SPHKAP: variants seen among roughly 807,000 people sequenced by gnomAD.
The protein encoded by SPHKAP is SPHK1 interactor, AKAP domain containing, also known as A-kinase anchor protein SPHKAP.
SPHKAP carries 67 observed loss-of-function variants against 137.5 expected under a neutral mutation model. That is an observed-to-expected ratio of 0.49 (90% CI 0.40 to 0.60). The LOEUF (loss-of-function observed/expected upper bound fraction) is 0.60. Among genes scored for constraint, SPHKAP ranks in the 20% least tolerant of loss-of-function variants. SPHKAP has a pLI of 0.00. For missense variants in SPHKAP, 2,097 were observed against 2,069.3 expected, an observed-to-expected ratio of 1.01 and a Z score of -0.26; for synonymous variants, 813 against 785.3, an observed-to-expected ratio of 1.04 and a Z score of -0.59.
At chr2:228,105,858 T>A (rs1016518546) in intron 3 of SPHKAP, among the ~76,000 whole-genome samples, 1 of 152,180 alleles carries the variant, frequency 6.6e-6, no homozygotes, top group African/African-American at 2.4e-5. Context: ...ATTAAACCTC[T>A]TTTTCTTTAT....
chr2:227,997,561 G>A (rs1693682832), intron 7 of SPHKAP, among the ~76,000 whole-genome samples: 1 of 152,052 alleles, frequency 6.6e-6, no homozygotes, highest in African/African-American at 2.4e-5. Context: ...AATTCATTAA[G>A]TCTAATAACA....
intron 3 of SPHKAP, among the ~76,000 whole-genome samples, chr2:228,080,976 C>A (rs770009297): frequency 1.3e-5 from 2 of 151,888 alleles, no homozygotes; most frequent in South Asian, 4.1e-4. Context: ...CCATATAATC[C>A]AAAAATCTTA....
rs535809395 is a variant in SPHKAP, at chr2:228,161,055, T to C, written c.32+20512A>G. Among the ~76,000 whole-genome samples, 8 of 152,320 alleles carry C rather than the reference T, an allele frequency of 5.3e-5. No homozygotes were observed. In the East Asian group the frequency reaches 1.5e-3, roughly 29 times the overall value. On this transcript the variant is annotated intron_variant, in intron 1 of 11. Coordinates refer to ENST00000392056, the MANE Select transcript of SPHKAP (RefSeq NM_001142644.2). ...GTGGATAAGGTAGGTGTTAAACAAA[T>C]AATCACATAAACAAGTACAAATGTG...
intron 2 of SPHKAP, among the ~76,000 whole-genome samples, chr2:228,117,195 G>A (rs886597856): frequency 1.3e-5 from 2 of 152,110 alleles, no homozygotes; most frequent in South Asian, 2.1e-4. Flanking sequence ...GCTGCTTGCT[G>A]TTAGACATCA....
chr2:228,171,293 C>T (rs542902372), intron 1 of SPHKAP, among the ~76,000 whole-genome samples: 1 of 152,038 alleles, frequency 6.6e-6, no homozygotes, highest in East Asian at 1.9e-4. Flanking sequence ...TGAGTAATTC[C>T]TTTAACTTTT....
intron 2 of SPHKAP, among the ~76,000 whole-genome samples, chr2:228,115,078 T>A (rs1424029355): frequency 6.6e-6 from 1 of 152,126 alleles, no homozygotes; most frequent in Non-Finnish European, 1.5e-5. Context: ...AGAAGACATG[T>A]CTCTCTTTTC....
At chr2:228,040,436 TG>T (rs1187113977) in intron 3 of SPHKAP, among the ~76,000 whole-genome samples, 1 of 152,230 alleles carries the variant, frequency 6.6e-6, no homozygotes, top group Non-Finnish European at 1.5e-5. Context: ...ATGCCACCCA[TG>T]CTGTGGACAT....
intron 3 of SPHKAP, among the ~76,000 whole-genome samples, chr2:228,045,657 G>A (rs2106264937): frequency 6.6e-6 from 1 of 151,952 alleles, no homozygotes; most frequent in Admixed American, 6.6e-5. Context: ...TAAATGACGA[G>A]TTAATGGGTG....
chr2:228,136,729 G>T (rs1699448041), intron 1 of SPHKAP, among the ~76,000 whole-genome samples: 1 of 152,162 alleles, frequency 6.6e-6, no homozygotes, highest in African/African-American at 2.4e-5. Flanking sequence ...ATTAGAGTTT[G>T]AGAAACACTT....
At chr2:228,146,237 GATGA>G (rs1477676208) in intron 1 of SPHKAP, among the ~76,000 whole-genome samples, 1 of 152,044 alleles carries the variant, frequency 6.6e-6, no homozygotes, top group Non-Finnish European at 1.5e-5. Flanking sequence ...TGTTACAACG[GATGA>G]ACACCCATTG....
chr2:228,038,948 C>T (rs1216932524), intron 3 of SPHKAP, among the ~76,000 whole-genome samples: 2 of 152,194 alleles, frequency 1.3e-5, no homozygotes, highest in Non-Finnish European at 2.9e-5. Context: ...AATAAACCAG[C>T]TATTGGCTAC....
intron 3 of SPHKAP, among the ~76,000 whole-genome samples, chr2:228,053,001 G>A (rs1456264226): frequency 1.3e-5 from 2 of 152,110 alleles, no homozygotes; most frequent in Non-Finnish European, 2.9e-5. Flanking sequence ...TATATTAGAT[G>A]AGCGGCTTAA....
chr2:228,022,866 A>T lies in SPHKAP; in HGVS notation c.442-900T>A, dbSNP rs145437485. Among the ~76,000 whole-genome samples, 23 of 152,332 alleles carry T rather than the reference A, an allele frequency of 1.5e-4. 1 individual carries two copies. The highest frequency in any genetic ancestry group is 5.5e-4 in the African/African-American group (23 of 41,572). On this transcript the variant is annotated intron_variant, in intron 5 of 11. Transcript: ENST00000392056. Reference sequence around the variant, plus strand: ...ACTCAGTAAAACCTCTACTACTAGTACTTCAGATGTACAGTAAGTGTTCTA... The same window carrying T: ...ACTCAGTAAAACCTCTACTACTAGTTCTTCAGATGTACAGTAAGTGTTCTA...
At chr2:227,991,762 C>A in intron 9 of SPHKAP, 1 of 725,816 alleles carries the variant, frequency 1.4e-6, no homozygotes, top group Non-Finnish European at 1.7e-6. Flanking sequence ...TTTTTCTATA[C>A]TACAATAGCA....
chr2:228,128,826 C>CT (rs1228527956), intron 2 of SPHKAP, among the ~76,000 whole-genome samples: 1 of 152,060 alleles, frequency 6.6e-6, no homozygotes, highest in African/African-American at 2.4e-5. Flanking sequence ...TGATAGGAAT[C>CT]TTTTTTTATG....
At chr2:228,135,022 C>G (rs548331616) in intron 1 of SPHKAP, among the ~76,000 whole-genome samples, 2 of 152,256 alleles carry the variant, frequency 1.3e-5, no homozygotes, top group South Asian at 4.1e-4. Flanking sequence ...CGCCTGTAAT[C>G]CCAGCACTTT....
intron 11 of SPHKAP, among the ~76,000 whole-genome samples, chr2:227,985,428 C>A (rs145261557): frequency 6.6e-6 from 1 of 152,014 alleles, no homozygotes; most frequent in South Asian, 2.1e-4. Context: ...AGTTCTTTAC[C>A]GGGCTTTTAA....
At chr2:228,131,053 G>C (rs1410659154) in intron 2 of SPHKAP, among the ~76,000 whole-genome samples, 1 of 151,972 alleles carries the variant, frequency 6.6e-6, no homozygotes, top group East Asian at 1.9e-4. Flanking sequence ...TTATACAAAA[G>C]TCACACAAGC....
intron 1 of SPHKAP, among the ~76,000 whole-genome samples, chr2:228,163,589 C>G (rs12465504): frequency 4.5e-4 from 68 of 152,082 alleles, no homozygotes; most frequent in African/African-American, 1.5e-3. Flanking sequence ...CTATTTATAA[C>G]GTACACAGGT....
Sources: allele counts gnomAD v4.1 joint callset (sites outside exome capture counted in the v4.1 genomes callset), GRCh38; gene constraint gnomAD v4.1.1; transcripts MANE v1.5; gene names NCBI Gene and HGNC (gene_info 2026-07-23, HGNC 2026-07-21).